CACNA1G: variants seen among roughly 807,000 people sequenced by gnomAD.
CACNA1G encodes the protein calcium voltage-gated channel subunit alpha1 G.
CACNA1G carries 67 observed loss-of-function variants against 219.4 expected under a neutral mutation model. That is an observed-to-expected ratio of 0.31 (90% CI 0.25 to 0.37). The LOEUF (loss-of-function observed/expected upper bound fraction) is 0.37, where lower values mean the gene tolerates loss of function less well. CACNA1G is among the 10% of genes least tolerant of loss of function. CACNA1G has a pLI of 1.00. For synonymous variants in CACNA1G, 1,296 were observed against 1,345.3 expected, an observed-to-expected ratio of 0.96 and a Z score of 0.80; for missense variants, 2,380 against 3,231.4, an observed-to-expected ratio of 0.74 and a Z score of 6.39.
At chr17:50,593,998 G>T (rs1479018028) in intron 13 of CACNA1G, among the ~76,000 whole-genome samples, 1 of 152,246 alleles carries the variant, frequency 6.6e-6, no homozygotes, top group Non-Finnish European at 1.5e-5. Context: ...TGGTTTTGCT[G>T]TTGTGGTGGC....
intron 9 of CACNA1G, among the ~76,000 whole-genome samples, chr17:50,580,988 C>T (rs954387416): frequency 2.0e-5 from 3 of 150,838 alleles, no homozygotes; most frequent in African/African-American, 4.9e-5. Context: ...GACAGAGACA[C>T]AGAGTGGGCA....
Position 50,571,815 on chromosome 17 carries a change from G to T in CACNA1G, c.587-63G>T. 2 of 1,578,104 alleles carry T rather than the reference G, an allele frequency of 1.3e-6. No individual in the cohort carries two copies. Among genetic ancestry groups the T allele is most frequent in the Admixed American group, 3.3e-5 (2 of 59,744 alleles). On this transcript the variant is annotated intron_variant, in intron 4 of 37. Coordinates refer to ENST00000359106, the MANE Select transcript of CACNA1G (RefSeq NM_018896.5). The surrounding 1 kb of genome is among the most constrained non-coding windows in gnomAD (Gnocchi z 4.3). ...TGGGGCCCCTCCGGGAGTGCTGCCG[G>T]GCCGTGGCAGTCAGCCTAGCCCGGC...
rs1296396766 is a variant in CACNA1G, at chr17:50,596,760, G to A, written c.3095G>A (p.Arg1032Gln). The A allele has an allele frequency of 8.7e-6, 14 of 1,612,936 alleles. No homozygotes were observed. The highest frequency in any genetic ancestry group is 1.1e-5 in the South Asian group (1 of 91,028). ...TCCCTGGGAGAGCACCCGGAGCTGC[G>A]GAAGAGCCTGCTGCCGCCTCTCATC... ...LVSLGEHPEL[R>Q]KSLLPPLIIH... The change falls in exon 16 of 38, where the codon CGG becomes CAG. Residue 1032 changes from arginine to glutamine, a missense_variant. By Grantham distance (43) the Arg-to-Gln change is conservative. This residue lies in a region of CACNA1G where 418 missense variants were observed against 434.3 expected (regional missense o/e 0.96). Transcript: ENST00000359106. The surrounding 1 kb of genome is among the most constrained non-coding windows in gnomAD (Gnocchi z 4.8).
intron 22 of CACNA1G, among the ~76,000 whole-genome samples, chr17:50,604,782 G>A (rs2047590126): frequency 6.6e-6 from 1 of 152,250 alleles, no homozygotes; most frequent in South Asian, 2.1e-4. Flanking sequence ...GGCTTTGGAA[G>A]AGAAAGAGCC....
At position 50,600,364 on chromosome 17, in the gene CACNA1G, C is replaced by T. The variant is rs1000827099; in HGVS notation, c.3691-362C>T. Among the ~76,000 whole-genome samples, 4 of 152,124 alleles carry T rather than the reference C, an allele frequency of 2.6e-5. No individual in the cohort carries two copies. Among genetic ancestry groups the T allele is most frequent in the African/African-American group, 7.2e-5 (3 of 41,408 alleles). Reference sequence around the variant, plus strand: ...TCCTCAGCTGAGGTGTGTCTCTGAACAGACAGCTGTGTGGGGCCAGTGTTT... The same window carrying T: ...TCCTCAGCTGAGGTGTGTCTCTGAATAGACAGCTGTGTGGGGCCAGTGTTT... On this transcript the variant is annotated intron_variant, in intron 17 of 37. Transcript: ENST00000359106. The surrounding 1 kb of genome is among the most constrained non-coding windows in gnomAD (Gnocchi z 4.1).
rs757334871 is a variant in CACNA1G, at chr17:50,590,463, C to T, written c.2302-8C>T. ...GCCAGCTGCCTCACATCCCACCCTG[C>T]CCTGCAGCCCGAGGAGCTTACCAAC... On this transcript the variant is annotated splice_region_variant and splice_polypyrimidine_tract_variant and intron_variant, in intron 9 of 37. Transcript: ENST00000359106. 1.8e-5 allele frequency: 29 copies of T among 1,613,538 alleles called. No individual in the cohort carries two copies. In the South Asian group the frequency reaches 3.1e-4, roughly 17 times the overall value.
intron 27 of CACNA1G, among the ~76,000 whole-genome samples, chr17:50,616,036 C>T (rs2050499210): frequency 6.6e-6 from 1 of 152,222 alleles, no homozygotes; most frequent in Admixed American, 6.5e-5. Context: ...GTGATCTCCT[C>T]ACCATCTCCC....
chr17:50,607,078 A>G (rs1223048384), intron 24 of CACNA1G, 89 bp downstream of exon 24: 5 of 1,021,756 alleles, frequency 4.9e-6, no homozygotes, highest in Non-Finnish European at 7.7e-6. Context: ...GCAGGGTGGC[A>G]AAATGCCATG....
rs140574575 is a variant in CACNA1G at position 50,567,970 on chromosome 17, G to A, written c.243-900G>A. On this transcript the variant is annotated intron_variant, in intron 1 of 37. Coordinates refer to ENST00000359106, the MANE Select transcript of CACNA1G (RefSeq NM_018896.5). Reference sequence around the variant, plus strand: ...GGCGGCAATGGCCTCTTGGGGGAGGGGGTAGACATTGTCCACTCTGCACGG... The same window carrying A: ...GGCGGCAATGGCCTCTTGGGGGAGGAGGTAGACATTGTCCACTCTGCACGG... Among the ~76,000 whole-genome samples the A allele has an allele frequency of 9.2e-5, 14 of 152,284 alleles. No homozygotes were observed. In the East Asian group the frequency reaches 2.7e-3, roughly 29 times the overall value.
chr17:50,578,596 C>T lies in CACNA1G; in HGVS notation c.2301+32C>T. The T allele has an allele frequency of 6.6e-7, 1 of 1,517,942 alleles. No individual in the cohort carries two copies. The highest frequency in any genetic ancestry group is 2.3e-5 in the East Asian group (1 of 43,264). The allele number at this position is 1,517,942 out of a possible 1,614,324, so 94.0% of individuals were successfully genotyped here. ...GAGTGGGCAGAGGCAGGGCTCCTGC[C>T]AGCTGCTTTTCGCCTGGGGCTGGGG... On this transcript the variant is annotated intron_variant, in intron 9 of 37. Transcript: ENST00000359106. The surrounding 1 kb of genome is among the most constrained non-coding windows in gnomAD (Gnocchi z 4.5).
At position 50,600,525 on chromosome 17, in the gene CACNA1G, C is replaced by A. The variant is rs1425761648; in HGVS notation, c.3691-201C>A. Among the ~76,000 whole-genome samples, 1 of 150,660 alleles carries A rather than the reference C, an allele frequency of 6.6e-6. No homozygotes were observed. The highest frequency in any genetic ancestry group is 1.5e-5 in the Non-Finnish European group (1 of 67,694). Reference sequence around the variant, plus strand: ...AGGAGGTGGAGAGGCAAGGGGTCCTCAGGGATGGGGAGGGGGCCTGGCAAG... The same window carrying A: ...AGGAGGTGGAGAGGCAAGGGGTCCTAAGGGATGGGGAGGGGGCCTGGCAAG... On this transcript the variant is annotated intron_variant, in intron 17 of 37. Transcript: ENST00000359106. The surrounding 1 kb of genome is among the most constrained non-coding windows in gnomAD (Gnocchi z 4.1).
chr17:50,566,900 C>A (rs1302129283), intron 1 of CACNA1G, among the ~76,000 whole-genome samples: 1 of 152,238 alleles, frequency 6.6e-6, no homozygotes, highest in Non-Finnish European at 1.5e-5. Flanking sequence ...TAGAGGGGTC[C>A]AAGCAGATGT....
chr17:50,569,862 C>A, intron 4 of CACNA1G, 59 bp downstream of exon 4: 1 of 1,298,614 alleles, frequency 7.7e-7, no homozygotes, highest in South Asian at 1.3e-5. Flanking sequence ...ATGTGGAACT[C>A]TCAGACCCCA....
rs748397813 is a variant in CACNA1G, at chr17:50,607,067, G to C, written c.4512+78G>C. 29 of 1,139,696 alleles carry C rather than the reference G, an allele frequency of 2.5e-5. No homozygotes were observed. In the South Asian group the frequency reaches 3.1e-4, roughly 12 times the overall value. 70.6% of individuals were successfully genotyped at this position (1,139,696 alleles called of 1,614,324 possible). ...GCTGATTCCAGGACAGAAAGAGCAA[G>C]GCAGGGTGGCAAAATGCCATGAAAG... On this transcript the variant is annotated intron_variant, in intron 24 of 37. Transcript: ENST00000359106.
chr17:50,616,890 G>C (rs1393793033), intron 28 of CACNA1G, among the ~76,000 whole-genome samples: 1 of 152,122 alleles, frequency 6.6e-6, no homozygotes, highest in Non-Finnish European at 1.5e-5. Context: ...GCCCAGGCTG[G>C]AGTGCAGCAG....
In CACNA1G at chr17:50,615,517, G is replaced by A. The variant is rs1247419435; in HGVS notation, c.4911+5G>A. On this transcript the variant is annotated splice_donor_5th_base_variant and intron_variant, in intron 27 of 37. Coordinates refer to ENST00000359106, the MANE Select transcript of CACNA1G (RefSeq NM_018896.5). ...GAGCACTACCAGCAGCCCCAGGTAG[G>A]AGCGAGTGGACCAGCCATCTGGCCC... The A allele has an allele frequency of 3.8e-5, 61 of 1,612,052 alleles. No individual in the cohort carries two copies. Among genetic ancestry groups the A allele is most frequent in the Non-Finnish European group, 5.2e-5 (61 of 1,178,674 alleles).
chr17:50,569,294 G>T lies in CACNA1G; in HGVS notation c.484G>T (p.Ala162Ser). 6.2e-7 allele frequency: 1 copy of T among 1,613,438 alleles called. No homozygotes were observed. The highest frequency in any genetic ancestry group is 8.5e-7 in the Non-Finnish European group (1 of 1,179,798). ...WNRLDFFIVI[A>S]GMLEYSLDLQ... ...CCGGCTTGACTTTTTCATCGTCATC[G>T]CAGGGTGAGGACCTGGGCTGGGGTG... Residue 162 changes from alanine to serine, a missense_variant, in exon 3 of 38, where the codon GCA (alanine) becomes TCA (serine). Ala to Ser is a moderately conservative substitution (Grantham distance 99). Coordinates refer to ENST00000359106, the MANE Select transcript of CACNA1G (RefSeq NM_018896.5).
intron 1 of CACNA1G, among the ~76,000 whole-genome samples, chr17:50,566,203 C>G (rs1176315563): frequency 6.6e-6 from 1 of 152,172 alleles, no homozygotes; most frequent in Non-Finnish European, 1.5e-5. Context: ...TCCACACCAC[C>G]TGGTGACACA....
In CACNA1G at chr17:50,602,241, C is replaced by T. The variant is rs546902327; in HGVS notation, c.3916-579C>T. Among the ~76,000 whole-genome samples the T allele has an allele frequency of 6.4e-4, 98 of 152,344 alleles. 1 individual carries two copies. The highest frequency in any genetic ancestry group is 2.3e-3 in the African/African-American group (94 of 41,582). ...CTCCTCTCTGTGCTCACACCCTGCC[C>T]GCCACCTCTCTAGAGATCTGCGCCT... On this transcript the variant is annotated intron_variant, in intron 19 of 37. Transcript: ENST00000359106.
Sources: gnomAD v4.1 joint callset for allele counts (sites outside exome capture counted in the v4.1 genomes callset) on GRCh38, gnomAD v4.1.1 for gene constraint, gnomAD v4.1.1 regional missense constraint, Gnocchi (gnomAD v3.1) non-coding constraint, MANE v1.5 for transcripts, NCBI Gene and HGNC (gene_info 2026-07-23, HGNC 2026-07-21) for gene names.